MCF2: variants seen among roughly 807,000 people sequenced by gnomAD.
MCF2 encodes the protein proto-oncogene DBL.
A neutral mutation model predicts 82.5 loss-of-function variants in MCF2; 44 were observed. The observed-to-expected ratio is 0.53, with a 90% CI of 0.42 to 0.69. MCF2 has a LOEUF of 0.69. MCF2 is among the 30% of genes least tolerant of loss of function. MCF2 has a pLI of 0.00. For missense variants in MCF2, 623 were observed against 663.1 expected, an observed-to-expected ratio of 0.94 and a Z score of 0.66; for synonymous variants, 217 against 224.9, an observed-to-expected ratio of 0.96 and a Z score of 0.32.
At chrX:139,655,144 T>C (rs1934154325) in intron 1 of MCF2, among the ~76,000 whole-genome samples, 1 of 112,072 alleles carries the variant, frequency 8.9e-6, no homozygotes, top group Non-Finnish European at 1.9e-5. Flanking sequence ...TGGTTCTGTA[T>C]ACGTTATTAG....
intron 2 of MCF2, among the ~76,000 whole-genome samples, chrX:139,648,540 G>A (rs1315982636): frequency 8.9e-6 from 1 of 111,748 alleles, no homozygotes; most frequent in Non-Finnish European, 1.9e-5. Context: ...ATAGTAAGAT[G>A]GTAGATTTAA....
intron 6 of MCF2, among the ~76,000 whole-genome samples, chrX:139,625,430 G>A (rs968357214): frequency 2.0e-4 from 22 of 111,552 alleles, no homozygotes; most frequent in African/African-American, 6.2e-4. Flanking sequence ...GAGAGAAAAC[G>A]CTAGTGGTAA....
intron 10 of MCF2, among the ~76,000 whole-genome samples, chrX:139,611,315 T>C (rs936393807): frequency 1.8e-5 from 2 of 112,155 alleles, no homozygotes; most frequent in East Asian, 5.6e-4. Flanking sequence ...ATATATTTTC[T>C]ACCTAAACTT....
rs769380201 is a variant in MCF2 at position 139,683,008 on chromosome X, C to A, written c.-45+25098G>T. Among the ~76,000 whole-genome samples the A allele has an allele frequency of 3.6e-5, 4 of 111,845 alleles. No individual in the cohort carries two copies. The South Asian group carries it at 1.5e-3, about 42-fold the overall frequency. ...GCAGTGGCGAGATCACAGCTCACTG[C>A]AGTCTTGACATCCTGGGCTTAAGTG... is the stretch of plus-strand genomic sequence containing the variant. On this transcript the variant is annotated intron_variant, in intron 1 of 27. Transcript: ENST00000414978.
chrX:139,674,251 C>T (rs1262764161), intron 1 of MCF2, among the ~76,000 whole-genome samples: 1 of 111,563 alleles, frequency 9.0e-6, no homozygotes, highest in Non-Finnish European at 1.9e-5. Flanking sequence ...ATACAGCACA[C>T]CAATGGGTCT....
chrX:139,658,570 C>G (rs1218592717), intron 1 of MCF2, among the ~76,000 whole-genome samples: 1 of 108,393 alleles, frequency 9.2e-6, no homozygotes, highest in South Asian at 4.0e-4. Flanking sequence ...GTTCAAGAAA[C>G]TTGAAATTTA....
chrX:139,616,550 G>A (rs1052818527), intron 8 of MCF2, 77 bp from the exon 12 acceptor site: 1 of 573,860 alleles, frequency 1.7e-6, no homozygotes, highest in Non-Finnish European at 2.6e-6. Flanking sequence ...TAAGTGAGTG[G>A]TTCTCAGCCT....
At position 139,661,794 on chromosome X, in the gene MCF2, T is replaced by C. The variant is rs760113829; in HGVS notation, c.-44-10006A>G. On this transcript the variant is annotated intron_variant, in intron 1 of 27. Coordinates refer to the MCF2 transcript ENST00000414978. ...CAACTATAAAAAAAGAAAAAGAAAATTCAAAAAATAAATTCCAGTCTTTTT... is the reference window on the plus strand; with the variant it reads ...CAACTATAAAAAAAGAAAAAGAAAACTCAAAAAATAAATTCCAGTCTTTTT... Among the ~76,000 whole-genome samples, 5 of 111,531 alleles carry C rather than the reference T, an allele frequency of 4.5e-5. No individual in the cohort carries two copies. In the South Asian group the frequency reaches 1.9e-3, roughly 42 times the overall value.
rs745701473 is a variant in MCF2 at position 139,602,234 on chromosome X, T to C, written c.1836+172A>G. Among the ~76,000 whole-genome samples the C allele has an allele frequency of 1.1e-4, 12 of 110,889 alleles. No homozygotes were observed. The South Asian group carries it at 1.9e-3, about 18-fold the overall frequency. On this transcript the variant is annotated intron_variant, in intron 16 of 24. Transcript: ENST00000370576. ...TAAAAGTGCTGAAAGTGTTTGCCTC[T>C]GGGAAGTTACAAATGTGTTTGTGTG...
exon 1 of MCF2, chrX:139,642,608 G>A (rs1405616805): frequency 3.3e-6 from 4 of 1,202,634 alleles, no homozygotes; most frequent in South Asian, 1.8e-5. Context: ...ATTTAAAAAC[G>A]GCAGCCAAAA....
At chrX:139,672,123 C>A (rs139210647) in intron 1 of MCF2, among the ~76,000 whole-genome samples, 10,392 of 111,215 alleles carry the variant, frequency 0.093, 1,208 homozygotes, top group African/African-American at 0.32. Flanking sequence ...TTTGTTTGTT[C>A]TTAGTGTATA....
At chrX:139,615,114 T>C (rs776683828) in intron 9 of MCF2, 62 bp from the exon 13 acceptor site, 8 of 873,377 alleles carry the variant, frequency 9.2e-6, no homozygotes, top group East Asian at 3.2e-5. Flanking sequence ...CAAACCCCAT[T>C]ACATTTCTCA....
intron 13 of MCF2, 99 bp from the exon 18 acceptor site, chrX:139,605,083 A>T (rs1002561975): frequency 5.2e-5 from 17 of 323,885 alleles, no homozygotes; most frequent in Non-Finnish European, 8.8e-5. Flanking sequence ...AAGGGATTTG[A>T]TGGTGAAGTT....
chrX:139,642,231 TA>T (rs1340521633), intron 1 of MCF2, among the ~76,000 whole-genome samples: 1 of 112,301 alleles, frequency 8.9e-6, no homozygotes, highest in Non-Finnish European at 1.9e-5. Context: ...TGCTCATTCA[TA>T]AACCTGATGA....
At chrX:139,638,368 A>G (rs1427423601) in intron 1 of MCF2, among the ~76,000 whole-genome samples, 1 of 111,735 alleles carries the variant, frequency 8.9e-6, no homozygotes, top group South Asian at 3.8e-4. Flanking sequence ...AATGCCTACC[A>G]TGTGTTAGGG....
chrX:139,691,124 T>C (rs1160202060), intron 1 of MCF2, among the ~76,000 whole-genome samples: 1 of 112,094 alleles, frequency 8.9e-6, no homozygotes, highest in Non-Finnish European at 1.9e-5. Context: ...TGTGAGTTAC[T>C]TGTCTTTGCT....
At chrX:139,697,794 T>G (rs1355149866) in intron 1 of MCF2, among the ~76,000 whole-genome samples, 3 of 112,317 alleles carry the variant, frequency 2.7e-5, no homozygotes, top group Non-Finnish European at 5.6e-5. Flanking sequence ...GAAAATATTG[T>G]TTCAGAGGTA....
chrX:139,646,952 C>A, upstream of MCF2: 1 of 722,484 alleles, frequency 1.4e-6, no homozygotes, highest in South Asian at 2.7e-5. Flanking sequence ...TATATAACAA[C>A]GAAGCAAGAA....
intron 1 of MCF2, among the ~76,000 whole-genome samples, chrX:139,683,104 A>G (rs1311916280): frequency 9.0e-6 from 1 of 111,185 alleles, no homozygotes; most frequent in Non-Finnish European, 1.9e-5. Context: ...TAATTTTTTA[A>G]AATATATTTT....
Sources: allele counts gnomAD v4.1 joint callset (sites outside exome capture counted in the v4.1 genomes callset), GRCh38; gene constraint gnomAD v4.1.1; transcripts MANE v1.5; gene names NCBI Gene and HGNC (gene_info 2026-07-23, HGNC 2026-07-21).